DSCAML1: variants seen among roughly 807,000 people sequenced by gnomAD.
The protein encoded by DSCAML1 is DS cell adhesion molecule like 1.
DSCAML1 carries 38 observed loss-of-function variants against 200.5 expected under a neutral mutation model. The ratio of observed to expected loss-of-function variants is 0.19; its 90% CI spans 0.15 to 0.25. The LOEUF is 0.25. Ranked by LOEUF, DSCAML1 falls within the 10% of genes least tolerant of loss-of-function variation. DSCAML1 has a pLI of 1.00. For synonymous variants in DSCAML1, 1,215 were observed against 1,165.0 expected (o/e 1.04, Z -0.87); for missense variants, 2,223 against 2,858.8 (o/e 0.78, Z 5.07).
chr11:117,724,762 G>T (rs1444036847), intron 3 of DSCAML1, among the ~76,000 whole-genome samples: 2 of 152,184 alleles, frequency 1.3e-5, no homozygotes, highest in Non-Finnish European at 2.9e-5. Flanking sequence ...TGAATGCCAG[G>T]CCTCTGAGAA....
chr11:117,799,857 C>T (rs953152229), upstream of DSCAML1, among the ~76,000 whole-genome samples: 1 of 152,224 alleles, frequency 6.6e-6, no homozygotes, highest in Non-Finnish European at 1.5e-5. Context: ...AGGTAACTAC[C>T]ATGAATGGGA....
chr11:117,575,950 G>A (rs2050926884), intron 3 of DSCAML1, among the ~76,000 whole-genome samples: 1 of 152,230 alleles, frequency 6.6e-6, no homozygotes, highest in Non-Finnish European at 1.5e-5. Context: ...ACCCTTGTCT[G>A]CGCTACAGAA....
At position 117,521,237 on chromosome 11, in the gene DSCAML1, T is replaced by C. The variant is rs755191570; in HGVS notation, c.1106A>G (p.Glu369Gly). 1.2e-6 allele frequency: 2 copies of C among 1,614,070 alleles called. No individual in the cohort carries two copies. The highest frequency in any genetic ancestry group is 1.7e-6 in the Non-Finnish European group (2 of 1,180,036). Residue 369 changes from glutamate to glycine, a missense_variant, in exon 6 of 33, where the codon GAG (glutamate) becomes GGG (glycine). Around this residue, in one of 7 missense-constraint regions of DSCAML1, gnomAD observed 579 missense variants for 721.5 expected, o/e 0.80. Transcript: ENST00000651296. The stretch of plus-strand genomic sequence containing the variant: ...CTGGGCCGAGGTGATGAGCAGCGTC[T>C]CGTTGCTGAGCCCGCGGATGGAGAT... ...EAISIRGLSN[E>G]TLLITSAQKS...
At chr11:117,619,929 A>C (rs2051891275) in intron 3 of DSCAML1, among the ~76,000 whole-genome samples, 1 of 152,190 alleles carries the variant, frequency 6.6e-6, no homozygotes. Flanking sequence ...TCTATGTATT[A>C]GCTTTGAGAC....
chr11:117,614,189 C>T (rs978018508), intron 3 of DSCAML1, among the ~76,000 whole-genome samples: 2 of 152,174 alleles, frequency 1.3e-5, no homozygotes, highest in Non-Finnish European at 2.9e-5. Flanking sequence ...TCTGCACTCA[C>T]GCCTGTCTTC....
intron 3 of DSCAML1, among the ~76,000 whole-genome samples, chr11:117,536,052 C>T (rs184020471): frequency 8.9e-4 from 130 of 145,272 alleles, no homozygotes; most frequent in Admixed American, 2.8e-3. Flanking sequence ...ATTGCAGTAA[C>T]GTTTTCAGAC....
At chr11:117,539,907 T>C (rs954575044) in intron 3 of DSCAML1, among the ~76,000 whole-genome samples, 2 of 152,132 alleles carry the variant, frequency 1.3e-5, no homozygotes, top group Admixed American at 1.3e-4. Flanking sequence ...ATAAACGACA[T>C]GTGATATATA....
intron 3 of DSCAML1, among the ~76,000 whole-genome samples, chr11:117,655,160 C>G (rs531165275): frequency 6.6e-6 from 1 of 152,338 alleles, no homozygotes; most frequent in East Asian, 1.9e-4. Context: ...CATCTCCATG[C>G]CCTGATATTG....
At chr11:117,788,611 G>A (rs1035372789) in intron 1 of DSCAML1, among the ~76,000 whole-genome samples, 3 of 152,228 alleles carry the variant, frequency 2.0e-5, no homozygotes, top group Non-Finnish European at 4.4e-5. Context: ...ACAGGCATGA[G>A]CCACCATGCC....
chr11:117,491,607 C>G (rs897125865), intron 11 of DSCAML1, among the ~76,000 whole-genome samples: 1 of 152,204 alleles, frequency 6.6e-6, no homozygotes, highest in Admixed American at 6.5e-5. Context: ...TGGCCCGTCT[C>G]TACTAAAAAT....
chr11:117,734,560 C>T (rs1473960235), intron 3 of DSCAML1, among the ~76,000 whole-genome samples: 2 of 152,182 alleles, frequency 1.3e-5, no homozygotes, highest in African/African-American at 2.4e-5. Context: ...ATTGTTACCT[C>T]CTCTGAAAAC....
At chr11:117,528,322 G>A (rs891294326) in intron 4 of DSCAML1, among the ~76,000 whole-genome samples, 6 of 152,152 alleles carry the variant, frequency 3.9e-5, no homozygotes, top group Non-Finnish European at 8.8e-5. Context: ...AGGAAGGGGC[G>A]GAGGGAGGGA....
intron 3 of DSCAML1, among the ~76,000 whole-genome samples, chr11:117,677,641 G>C (rs2053238471): frequency 6.6e-6 from 1 of 152,148 alleles, no homozygotes; most frequent in South Asian, 2.1e-4. Context: ...TGCTTACCAA[G>C]GGGCAAGTAG....
intron 2 of DSCAML1, among the ~76,000 whole-genome samples, chr11:117,778,717 C>T (rs1279782471): frequency 6.6e-6 from 1 of 152,232 alleles, no homozygotes; most frequent in Non-Finnish European, 1.5e-5. Context: ...TGCATCCTAA[C>T]CCAATGAGGG....
intron 3 of DSCAML1, among the ~76,000 whole-genome samples, chr11:117,736,167 G>A (rs1352556220): frequency 6.6e-6 from 1 of 152,214 alleles, no homozygotes; most frequent in Admixed American, 6.5e-5. Flanking sequence ...AGGTGACTCT[G>A]GTTTAGGGTC....
chr11:117,606,328 C>A (rs147081430), intron 3 of DSCAML1, among the ~76,000 whole-genome samples: 3 of 152,168 alleles, frequency 2.0e-5, no homozygotes, highest in Non-Finnish European at 4.4e-5. Flanking sequence ...TTCACTGCCC[C>A]CCTGGAGAAG....
At chr11:117,473,307 G>C (rs887796156) in intron 14 of DSCAML1, among the ~76,000 whole-genome samples, 1 of 152,144 alleles carries the variant, frequency 6.6e-6, no homozygotes, top group Non-Finnish European at 1.5e-5. Flanking sequence ...GACCAGCTGG[G>C]ACAATATGGT....
intron 3 of DSCAML1, among the ~76,000 whole-genome samples, chr11:117,708,000 T>C (rs1364071844): frequency 6.6e-6 from 1 of 152,190 alleles, no homozygotes; most frequent in South Asian, 2.1e-4. Context: ...ACATGAAGAC[T>C]GCATTAGGGC....
chr11:117,475,103 C>T (rs1220655073), intron 14 of DSCAML1, among the ~76,000 whole-genome samples: 1 of 152,090 alleles, frequency 6.6e-6, no homozygotes, highest in Non-Finnish European at 1.5e-5. Flanking sequence ...CCATCTCTAC[C>T]TCAGGCTTAG....
Sources: allele counts gnomAD v4.1 joint callset (sites outside exome capture counted in the v4.1 genomes callset), GRCh38; gene constraint gnomAD v4.1.1; regional missense constraint gnomAD v4.1.1; transcripts MANE v1.5; gene names NCBI Gene and HGNC (gene_info 2026-07-23, HGNC 2026-07-21).